The following LRRC4C variants were observed in gnomAD, a reference collection of about 807,000 sequenced individuals.
The protein encoded by LRRC4C is leucine rich repeat containing 4C.
LRRC4C carries 5 observed loss-of-function variants against 33.6 expected under a neutral mutation model. The ratio of observed to expected loss-of-function variants is 0.15; its 90% CI spans 0.08 to 0.31. The LOEUF (loss-of-function observed/expected upper bound fraction) is 0.31. LRRC4C is among the 10% of genes least tolerant of loss of function. The pLI is 1.00. For synonymous variants in LRRC4C, 329 were observed against 302.0 expected, an observed-to-expected ratio of 1.09 and a Z score of -0.93; for missense variants, 560 against 796.7, an observed-to-expected ratio of 0.70 and a Z score of 3.58.
intron 2 of LRRC4C, among the ~76,000 whole-genome samples, chr11:40,848,309 A>G (rs1953299026): frequency 6.6e-6 from 1 of 152,078 alleles, no homozygotes; most frequent in South Asian, 2.1e-4. Context: ...CCTTCTAAAC[A>G]TTGCTTTAGC....
intron 2 of LRRC4C, among the ~76,000 whole-genome samples, chr11:40,858,631 T>C (rs1296389404): frequency 2.7e-5 from 4 of 146,140 alleles, no homozygotes; most frequent in Non-Finnish European, 5.9e-5. Flanking sequence ...GAGCCAGAGG[T>C]TGCAGTGAGC....
At chr11:40,903,482 A>G (rs1201989052) in intron 2 of LRRC4C, among the ~76,000 whole-genome samples, 1 of 152,180 alleles carries the variant, frequency 6.6e-6, no homozygotes, top group Non-Finnish European at 1.5e-5. Flanking sequence ...TAAGAAATAC[A>G]TTTTGTAAGA....
intron 1 of LRRC4C, among the ~76,000 whole-genome samples, chr11:41,036,167 G>A (rs1369842226): frequency 6.6e-6 from 1 of 152,066 alleles, no homozygotes; most frequent in African/African-American, 2.4e-5. Context: ...ATTATGGTCA[G>A]AAATAAACTC....
At chr11:41,335,995 A>T (rs1290040097) in intron 1 of LRRC4C, among the ~76,000 whole-genome samples, 1 of 152,186 alleles carries the variant, frequency 6.6e-6, no homozygotes, top group Non-Finnish European at 1.5e-5. Flanking sequence ...AGACCCATTT[A>T]TTTATGGAGC....
At chr11:40,976,002 T>G (rs1852058220) in intron 1 of LRRC4C, among the ~76,000 whole-genome samples, 1 of 152,170 alleles carries the variant, frequency 6.6e-6, no homozygotes, top group Non-Finnish European at 1.5e-5. Context: ...TGTAAAGCCT[T>G]CCATAAATTT....
intron 3 of LRRC4C, among the ~76,000 whole-genome samples, chr11:40,605,924 T>G (rs1029529394): frequency 9.2e-5 from 14 of 152,170 alleles, no homozygotes; most frequent in African/African-American, 3.4e-4. Flanking sequence ...GAAACTGGAT[T>G]CTTCTTCTCT....
At chr11:41,226,329 C>T (rs1947532456) in intron 1 of LRRC4C, among the ~76,000 whole-genome samples, 1 of 152,066 alleles carries the variant, frequency 6.6e-6, no homozygotes. Context: ...TCAAAAGAAA[C>T]ATCCCTCATG....
chr11:40,464,089 T>C (rs981231363), intron 3 of LRRC4C, among the ~76,000 whole-genome samples: 4 of 151,798 alleles, frequency 2.6e-5, no homozygotes, highest in African/African-American at 9.7e-5. Flanking sequence ...AATCCTCAAA[T>C]AAATACTAGT....
intron 3 of LRRC4C, among the ~76,000 whole-genome samples, chr11:40,635,016 A>G (rs1963831129): frequency 6.6e-6 from 1 of 151,728 alleles, no homozygotes; most frequent in African/African-American, 2.4e-5. Context: ...AACAGGGTCC[A>G]TGGCTAATTA....
intron 2 of LRRC4C, among the ~76,000 whole-genome samples, chr11:40,860,680 C>T (rs996107846): frequency 6.6e-6 from 1 of 151,816 alleles, no homozygotes; most frequent in Non-Finnish European, 1.5e-5. Flanking sequence ...CACTCCCCTA[C>T]CCCAACTCCT....
At chr11:40,283,693 CTTTTTTTTTTT>C (rs5791366) in intron 4 of LRRC4C, among the ~76,000 whole-genome samples, 14 of 59,300 alleles carry the variant, frequency 2.4e-4, no homozygotes, top group African/African-American at 4.3e-4. Context: ...GGTCCATATT[CTTTTTTTTTTT>C]TTTTTTTTTT....
intron 1 of LRRC4C, among the ~76,000 whole-genome samples, chr11:41,028,518 A>T (rs1251148310): frequency 6.6e-6 from 1 of 151,320 alleles, no homozygotes; most frequent in Non-Finnish European, 1.5e-5. Flanking sequence ...AATTTATTCT[A>T]CACAATGTTA....
intron 1 of LRRC4C, among the ~76,000 whole-genome samples, chr11:41,043,914 A>G (rs753543818): frequency 3.9e-5 from 6 of 152,124 alleles, no homozygotes; most frequent in Non-Finnish European, 5.9e-5. Context: ...ATAAGGTATT[A>G]TAATCTCTAT....
intron 3 of LRRC4C, among the ~76,000 whole-genome samples, chr11:40,391,946 T>C (rs781569990): frequency 2.6e-5 from 4 of 152,228 alleles, no homozygotes; most frequent in Non-Finnish European, 5.9e-5. Context: ...ATTCATACAA[T>C]GAAATATTAT....
intron 1 of LRRC4C, among the ~76,000 whole-genome samples, chr11:41,292,434 T>C (rs576562718): frequency 6.6e-6 from 1 of 152,106 alleles, no homozygotes; most frequent in East Asian, 1.9e-4. Context: ...ATAGAAGCCA[T>C]TGAGATTTTG....
intron 4 of LRRC4C, among the ~76,000 whole-genome samples, chr11:40,308,137 T>C (rs1401130509): frequency 6.6e-6 from 1 of 152,234 alleles, no homozygotes; most frequent in East Asian, 1.9e-4. Flanking sequence ...ATGGCACTGA[T>C]ACTGAACCTT....
At chr11:40,379,654 G>A in intron 3 of LRRC4C, among the ~76,000 whole-genome samples, 1 of 152,170 alleles carries the variant, frequency 6.6e-6, no homozygotes, top group East Asian at 1.9e-4. Context: ...CTTTCTGTTT[G>A]TGGGAATCAC....
intron 3 of LRRC4C, among the ~76,000 whole-genome samples, chr11:40,476,173 A>T (rs1953209459): frequency 6.6e-6 from 1 of 151,994 alleles, no homozygotes; most frequent in African/African-American, 2.4e-5. Flanking sequence ...TTCCAACTAG[A>T]AGTGTGTGTG....
At chr11:40,756,297 A>G (rs1948941883) in intron 2 of LRRC4C, among the ~76,000 whole-genome samples, 1 of 152,102 alleles carries the variant, frequency 6.6e-6, no homozygotes, top group Non-Finnish European at 1.5e-5. Context: ...TTAAGGTTAT[A>G]AATAATTTTC....
Sources: allele counts gnomAD v4.1 joint callset (sites outside exome capture counted in the v4.1 genomes callset), GRCh38; gene constraint gnomAD v4.1.1; transcripts MANE v1.5; gene names NCBI Gene and HGNC (gene_info 2026-07-23, HGNC 2026-07-21).